TRIM67: variants seen among roughly 807,000 people sequenced by gnomAD.
TRIM67 encodes the protein tripartite motif-containing protein 67.
In TRIM67, 39 loss-of-function variants were observed where a neutral mutation model predicts 71.0. The observed-to-expected ratio is 0.55, with a 90% CI of 0.43 to 0.72. The LOEUF (loss-of-function observed/expected upper bound fraction) is 0.72, where lower values mean the gene tolerates loss of function less well. Among genes scored for constraint, TRIM67 ranks in the 30% least tolerant of loss-of-function variants. TRIM67 has a pLI of 0.00. For missense variants in TRIM67, 973 were observed against 1,079.2 expected (o/e 0.90, Z 1.38); for synonymous variants, 481 against 473.9 (o/e 1.01, Z -0.19).
At chr1:231,171,849 C>G in intron 1 of TRIM67, among the ~76,000 whole-genome samples, 1 of 152,160 alleles carries the variant, frequency 6.6e-6, no homozygotes, top group East Asian at 1.9e-4. Flanking sequence ...GATCCCAGCA[C>G]TTTGGAAGGC....
intron 1 of TRIM67, among the ~76,000 whole-genome samples, chr1:231,171,878 T>C (rs1682627518): frequency 6.6e-6 from 1 of 152,120 alleles, no homozygotes; most frequent in Non-Finnish European, 1.5e-5. Flanking sequence ...GCGAATTGCT[T>C]GAGGCCAAGA....
intron 1 of TRIM67, among the ~76,000 whole-genome samples, chr1:231,191,553 G>A (rs1683230170): frequency 6.6e-6 from 1 of 151,816 alleles, no homozygotes; most frequent in African/African-American, 2.4e-5. Flanking sequence ...GGAACCCTCT[G>A]GTGTGCAATA....
intron 1 of TRIM67, among the ~76,000 whole-genome samples, chr1:231,188,224 G>C (rs112264263): frequency 6.6e-5 from 10 of 152,270 alleles, no homozygotes; most frequent in African/African-American, 2.4e-4. Flanking sequence ...AGGAGGTGGT[G>C]GTCAGTGTCA....
At chr1:231,210,545 G>T (rs1274323046) in intron 8 of TRIM67, among the ~76,000 whole-genome samples, 1 of 151,234 alleles carries the variant, frequency 6.6e-6, no homozygotes, top group African/African-American at 2.4e-5. Context: ...CCACAGAGGG[G>T]CCAAGTCCAG....
chr1:231,182,016 T>C (rs1682919472), intron 1 of TRIM67, among the ~76,000 whole-genome samples: 1 of 152,190 alleles, frequency 6.6e-6, no homozygotes, highest in Admixed American at 6.5e-5. Flanking sequence ...ACATGGCCAG[T>C]GACAAATGAG....
Position 231,217,219 on chromosome 1 carries a change from C to T in TRIM67, c.*1779C>T, listed in dbSNP as rs1684036402. 3.0e-6 allele frequency: 3 copies of T among 985,946 alleles called. No homozygotes were observed. In the South Asian group the frequency reaches 1.4e-4, roughly 46 times the overall value. 61.1% of individuals were successfully genotyped at this position (985,946 alleles called of 1,614,324 possible). ...AGATGTGGCCGGCAAGGCCAGCTGC[C>T]CCGTCTCCAGGAGCTGCTCGGTGCT... On this transcript the variant is annotated 3_prime_UTR_variant, in exon 10 of 10. Coordinates refer to ENST00000366653, the MANE Select transcript of TRIM67 (RefSeq NM_001004342.5).
chr1:231,163,204 G>C lies in TRIM67; in HGVS notation c.235G>C (p.Gly79Arg), dbSNP rs952517818. 5.9e-5 allele frequency: 88 copies of C among 1,482,916 alleles called. No homozygotes were observed. The East Asian group carries it at 2.4e-3, about 40-fold the overall frequency. 91.9% of individuals were successfully genotyped at this position (1,482,916 alleles called of 1,614,324 possible). ...HDAAAGPACGGAGGSAAGGLG... is the reference protein window; with the variant it reads ...HDAAAGPACGRAGGSAAGGLG... ...CGCTGCGGCTGGCCCGGCCTGCGGC[G>C]GTGCAGGCGGGAGTGCAGCTGGCGG... Residue 79 changes from glycine to arginine, a missense_variant, in exon 1 of 10, where the codon GGT becomes CGT. Physicochemically the swap from Gly to Arg is moderately radical, Grantham distance 125 (BLOSUM62 -2). This residue lies in a region of TRIM67 where 795 missense variants were observed against 831.3 expected (regional missense o/e 0.96). Coordinates refer to ENST00000366653, the MANE Select transcript of TRIM67 (RefSeq NM_001004342.5).
chr1:231,188,441 A>T (rs905261492), intron 1 of TRIM67, among the ~76,000 whole-genome samples: 1 of 152,172 alleles, frequency 6.6e-6, no homozygotes, highest in Admixed American at 6.5e-5. Context: ...TGCCAGGGAC[A>T]AGGGTCCCCT....
rs1223110932 is a variant in TRIM67 at position 231,213,797 on chromosome 1, T to A, written c.2124-18T>A. Reference sequence around the variant, plus strand: ...AGGCTGGGTGTGGTGATGGTCTTCCTGGGGACTCTCTTCCCAGGACGGAAG... The same window carrying A: ...AGGCTGGGTGTGGTGATGGTCTTCCAGGGGACTCTCTTCCCAGGACGGAAG... On this transcript the variant is annotated intron_variant, in intron 8 of 9. Coordinates refer to ENST00000366653, the MANE Select transcript of TRIM67 (RefSeq NM_001004342.5). The A allele has an allele frequency of 5.1e-6, 8 of 1,564,358 alleles. No individual in the cohort carries two copies. The highest frequency in any genetic ancestry group is 6.1e-6 in the Non-Finnish European group (7 of 1,152,414).
At position 231,200,167 on chromosome 1, in the gene TRIM67, ATC is replaced by A; in HGVS notation, c.1284_1285del (p.Asn428LysfsTer60). The stretch of plus-strand genomic sequence containing the variant: ...TTGCAGATGGTTTGGGACCAGATCA[ATC>A]ACTGCACATTGAAGCTGCGTCAGTC... On this transcript the variant is annotated frameshift_variant, in exon 4 of 10. Transcript: ENST00000366653. LOFTEE classifies it high-confidence loss of function. 2 of 1,613,870 alleles carry A rather than the reference ATC, an allele frequency of 1.2e-6. No individual in the cohort carries two copies. The highest frequency in any genetic ancestry group is 1.7e-6 in the Non-Finnish European group (2 of 1,179,778).
chr1:231,165,532 G>T (rs1682437539), intron 1 of TRIM67, among the ~76,000 whole-genome samples: 1 of 152,208 alleles, frequency 6.6e-6, no homozygotes, highest in African/African-American at 2.4e-5. Flanking sequence ...AAGTAGCAAA[G>T]AGTGCTTATT....
chr1:231,211,932 C>T (rs550177392), intron 8 of TRIM67, among the ~76,000 whole-genome samples: 5 of 152,066 alleles, frequency 3.3e-5, no homozygotes, highest in Non-Finnish European at 7.3e-5. Context: ...AAAAATTAGC[C>T]GGGCATGGTG....
At chr1:231,203,162 G>A (rs1297171513) in intron 5 of TRIM67, among the ~76,000 whole-genome samples, 1 of 151,488 alleles carries the variant, frequency 6.6e-6, no homozygotes, top group Non-Finnish European at 1.5e-5. Flanking sequence ...TAAAAAAAAA[G>A]GTCAAAGTGG....
At chr1:231,201,294 C>T in intron 4 of TRIM67, 64 bp from the exon 5 acceptor site, 1 of 1,524,806 alleles carries the variant, frequency 6.6e-7, no homozygotes. Context: ...ACCTCTTCCT[C>T]ACCCCTGGCT....
chr1:231,183,266 A>G (rs1390776090), intron 1 of TRIM67, among the ~76,000 whole-genome samples: 2 of 152,166 alleles, frequency 1.3e-5, no homozygotes, highest in Non-Finnish European at 2.9e-5. Context: ...CTCTGAGCAA[A>G]GGAATCCAAC....
Position 231,220,924 on chromosome 1 carries a change from T to G in TRIM67, c.*5484T>G, listed in dbSNP as rs1254218006. 1 of 152,360 alleles carries G rather than the reference T, an allele frequency of 6.6e-6. No individual in the cohort carries two copies. Among genetic ancestry groups the G allele is most frequent in the African/African-American group, 2.4e-5 (1 of 41,472 alleles). The allele number at this position is 152,360 out of a possible 1,614,324, so 9.4% of individuals were successfully genotyped here. On this transcript the variant is annotated 3_prime_UTR_variant, in exon 10 of 10. Transcript: ENST00000366653. ...CAGGCTTCAGGTTCGGGAAGGTGAC[T>G]GCTTGCAACTGCAGTAGCAGGAACA...
chr1:231,174,410 C>G (rs1307868785), intron 1 of TRIM67, among the ~76,000 whole-genome samples: 1 of 151,738 alleles, frequency 6.6e-6, no homozygotes, highest in African/African-American at 2.4e-5. Context: ...TCAAATGTCT[C>G]CTACCTTAGC....
chr1:231,209,984 A>G lies in TRIM67; in HGVS notation c.2123+734A>G, dbSNP rs1347938812. Among the ~76,000 whole-genome samples, 1 of 152,130 alleles carries G rather than the reference A, an allele frequency of 6.6e-6. No individual in the cohort carries two copies. Among genetic ancestry groups the G allele is most frequent in the East Asian group, 1.9e-4 (1 of 5,182 alleles). ...GGTGCCTTGGTCTCTCTCCTCAGAC[A>G]CAAAGAAGGCAGTGCCCCCCCAACA... On this transcript the variant is annotated intron_variant, in intron 8 of 9. Coordinates refer to ENST00000366653, the MANE Select transcript of TRIM67 (RefSeq NM_001004342.5). This position sits in a 1 kb window ranked among gnomAD's most constrained non-coding sequence, Gnocchi z 4.1.
At position 231,208,953 on chromosome 1, in the gene TRIM67, G is replaced by A; in HGVS notation, c.1826G>A (p.Trp609Ter). 1 of 1,577,124 alleles carries A rather than the reference G, an allele frequency of 6.3e-7. No homozygotes were observed. Among genetic ancestry groups the A allele is most frequent in the Non-Finnish European group, 8.7e-7 (1 of 1,155,484 alleles). Residue 609 changes from tryptophan to a stop codon, truncating the protein, a stop_gained, in exon 8 of 10, where the codon TGG (tryptophan) becomes TAG (stop). Transcript: ENST00000366653. LOFTEE classifies it high-confidence loss of function. ...TVVLQTSDVAWFTFDPNSGHR... is the reference protein window; with the variant it reads ...TVVLQTSDVA ...TCACCTCCTCCCTTTTTAGTGGCCT[G>A]GTTCACATTTGACCCCAACTCTGGG...
Sources: allele counts gnomAD v4.1 joint callset (sites outside exome capture counted in the v4.1 genomes callset), GRCh38; gene constraint gnomAD v4.1.1; regional missense constraint gnomAD v4.1.1; non-coding constraint Gnocchi (gnomAD v3.1); transcripts MANE v1.5; gene names NCBI Gene and HGNC (gene_info 2026-07-23, HGNC 2026-07-21).